ING5: variants seen among roughly 807,000 people sequenced by gnomAD.
ING5 encodes the protein inhibitor of growth protein 5.
ING5 carries 17 observed loss-of-function variants against 37.4 expected under a neutral mutation model. The ratio of observed to expected loss-of-function variants is 0.45; its 90% confidence interval spans 0.31 to 0.68. ING5 has a LOEUF of 0.68. ING5 is among the 30% of genes least tolerant of loss of function. The pLI is 0.05. For missense variants in ING5, 233 were observed against 311.9 expected (o/e 0.75, Z 1.91); for synonymous variants, 123 against 116.6 (o/e 1.06, Z -0.36).
At chr2:241,696,547 A>G (rs894127855) in intron 2 of ING5, among the ~76,000 whole-genome samples, 2 of 151,912 alleles carry the variant, frequency 1.3e-5, no homozygotes, top group Admixed American at 1.3e-4. Flanking sequence ...GCACTTGGGG[A>G]GGCTGAGGCT....
At chr2:241,721,184 C>A in intron 5 of ING5, 1 of 985,594 alleles carries the variant, frequency 1.0e-6, no homozygotes, top group Non-Finnish European at 1.2e-6. Context: ...ACCGCAGGAG[C>A]CCCTTGGAGG....
At chr2:241,703,593 G>GAT (rs368156423) in intron 1 of ING5, among the ~76,000 whole-genome samples, 1 of 151,216 alleles carries the variant, frequency 6.6e-6, no homozygotes, top group African/African-American at 2.4e-5. Flanking sequence ...AGCTCAGAGA[G>GAT]AACATTTCTT....
Position 241,702,083 on chromosome 2 carries a change from C to T in ING5, c.18C>T (p.Tyr6=). The T allele has an allele frequency of 2.2e-6, 3 of 1,394,710 alleles. No homozygotes were observed. Among genetic ancestry groups the T allele is most frequent in the African/African-American group, 1.5e-5 (1 of 66,082 alleles). The allele number at this position is 1,394,710 out of a possible 1,614,324, so 86.4% of individuals were successfully genotyped here. ...GGACGAAGATGGCGACCGCCATGTA[C>T]TTGGAGCACTATCTGGACAGTAAGC... MATAM[Y]LEHYLDSIEN... is the part of the protein sequence containing the mutation. The change falls in exon 1 of 8, where the codon TAC becomes TAT. Residue 6 remains tyrosine, a synonymous_variant. Coordinates refer to ENST00000313552, the MANE Select transcript of ING5 (RefSeq NM_032329.6).
intron 2 of ING5, among the ~76,000 whole-genome samples, chr2:241,694,981 C>T (rs938781706): frequency 7.0e-6 from 1 of 141,858 alleles, no homozygotes; most frequent in Non-Finnish European, 1.5e-5. Context: ...GATTGCGCCA[C>T]CGCACTCCAG....
intron 2 of ING5, among the ~76,000 whole-genome samples, chr2:241,692,619 C>T (rs1207557800): frequency 6.6e-6 from 1 of 152,116 alleles, no homozygotes. Context: ...CTTTCAGGCC[C>T]TGCATACCAG....
chr2:241,709,091 C>T (rs2070019888), intron 2 of ING5, 125 bp from the exon 3 acceptor site: 7 of 1,016,106 alleles, frequency 6.9e-6, no homozygotes, highest in East Asian at 4.8e-5. Context: ...ACCAGCACAG[C>T]GTGAGTTCAT....
At chr2:241,688,959 C>T (rs1481775887) in intron 1 of ING5, among the ~76,000 whole-genome samples, 2 of 152,092 alleles carry the variant, frequency 1.3e-5, no homozygotes, top group Middle Eastern at 3.4e-3. Flanking sequence ...CCATCATGCC[C>T]GGCTAATTTT....
intron 5 of ING5, chr2:241,722,639 A>G (rs2070460797): frequency 2.0e-6 from 2 of 984,936 alleles, no homozygotes; most frequent in Non-Finnish European, 2.4e-6. Flanking sequence ...GGGGTTATTG[A>G]GGTTTTGAAA....
Position 241,702,081 on chromosome 2 carries a change from T to C in ING5, c.16T>C (p.Tyr6His). ...GCGGACGAAGATGGCGACCGCCATG[T>C]ACTTGGAGCACTATCTGGACAGTAA... The part of the protein sequence containing the change: MATAM[Y>H]LEHYLDSIEN... The change falls in exon 1 of 8, where the codon TAC becomes CAC. Residue 6 changes from tyrosine (Y) to histidine (H), a missense_variant. Physicochemically the swap from Tyr to His is moderately conservative, Grantham distance 83. Coordinates refer to ENST00000313552, the MANE Select transcript of ING5 (RefSeq NM_032329.6). The C allele has an allele frequency of 3.6e-5, 50 of 1,393,350 alleles. No homozygotes were observed. The highest frequency in any genetic ancestry group is 4.7e-5 in the Non-Finnish European group (50 of 1,067,612). 86.3% of individuals were successfully genotyped at this position (1,393,350 alleles called of 1,614,324 possible). A position where few individuals can be genotyped will look rare whatever the true frequency, so the allele number is the denominator to read the frequency against.
At chr2:241,719,726 A>T in intron 5 of ING5, 2 of 1,472,456 alleles carry the variant, frequency 1.4e-6, no homozygotes, top group Non-Finnish European at 1.8e-6. Flanking sequence ...AGCTTCAGAG[A>T]CCTCAGGAAC....
chr2:241,688,598 C>G (rs1007864828), intron 1 of ING5, among the ~76,000 whole-genome samples: 6 of 151,994 alleles, frequency 3.9e-5, no homozygotes, highest in African/African-American at 1.4e-4. Context: ...CCAGTTATGC[C>G]CTTTCTTCCT....
chr2:241,695,250 T>C (rs1206578757), intron 2 of ING5, among the ~76,000 whole-genome samples: 1 of 151,958 alleles, frequency 6.6e-6, no homozygotes, highest in Non-Finnish European at 1.5e-5. Context: ...ACTGCTGTGC[T>C]GGAGAGGCCA....
At chr2:241,719,414 C>T in intron 5 of ING5, 2 of 813,674 alleles carry the variant, frequency 2.5e-6, no homozygotes, top group South Asian at 1.5e-5. Context: ...TCTTGTTGCT[C>T]CACAGCTCCC....
At chr2:241,722,579 A>G (rs2070459180) in intron 5 of ING5, 25 of 985,282 alleles carry the variant, frequency 2.5e-5, no homozygotes, top group Non-Finnish European at 2.9e-5. Context: ...ATCTGTTCGT[A>G]TACTTAATGA....
chr2:241,708,877 G>A (rs1285431088), intron 2 of ING5, among the ~76,000 whole-genome samples: 1 of 152,154 alleles, frequency 6.6e-6, no homozygotes, highest in East Asian at 1.9e-4. Flanking sequence ...AAAAAGAAAA[G>A]GGAAAAAAGA....
chr2:241,697,583 G>T (rs1031449341), upstream of ING5, among the ~76,000 whole-genome samples: 88 of 152,128 alleles, frequency 5.8e-4, 1 homozygote, highest in African/African-American at 2.1e-3. Flanking sequence ...AAGCCATTCT[G>T]AAAAGGCTCA....
rs771151519 is a variant in ING5 at position 241,726,450 on chromosome 2, G to C, written c.*1419G>C. 1 of 152,282 alleles carries C rather than the reference G, an allele frequency of 6.6e-6. No homozygotes were observed. The highest frequency in any genetic ancestry group is 1.5e-5 in the Non-Finnish European group (1 of 68,066). The allele number at this position is 152,282 out of a possible 1,614,324, so 9.4% of individuals were successfully genotyped here. The stretch of plus-strand genomic sequence containing the variant: ...ACGGGGCCCTCCCGTCGAGAAGCTG[G>C]TAGTCAGTGAGTGAGAACAAGAGAA... On this transcript the variant is annotated 3_prime_UTR_variant, in exon 8 of 8. Transcript: ENST00000313552.
upstream of ING5, among the ~76,000 whole-genome samples, chr2:241,700,150 G>A (rs972531840): frequency 8.2e-5 from 6 of 73,278 alleles, no homozygotes; most frequent in African/African-American, 1.1e-4. Context: ...GCCCGGCTAA[G>A]TTTTTTTTTT....
intron 2 of ING5, 157 bp from the exon 3 acceptor site, chr2:241,709,059 G>T: frequency 1.4e-6 from 1 of 721,916 alleles, no homozygotes; most frequent in Non-Finnish European, 2.4e-6. Context: ...TGTGCAGAAC[G>T]GTTCTGCCCA....
Sources: allele counts gnomAD v4.1 joint callset (sites outside exome capture counted in the v4.1 genomes callset), GRCh38; gene constraint gnomAD v4.1.1; transcripts MANE v1.5; gene names NCBI Gene and HGNC (gene_info 2026-07-23, HGNC 2026-07-21).